CDK15: variants seen among roughly 807,000 people sequenced by gnomAD.
CDK15 encodes cyclin dependent kinase 15.
A neutral mutation model predicts 60.3 loss-of-function variants in CDK15; 62 were observed. That is an observed-to-expected ratio of 1.03 (90% CI 0.84 to 1.27). The LOEUF (loss-of-function observed/expected upper bound fraction) is 1.27, where lower values mean the gene tolerates loss of function less well. Ranked by LOEUF, CDK15 falls within the 50% of genes most tolerant of loss-of-function variation. The pLI is 0.00. For missense variants in CDK15, 541 were observed against 527.8 expected (o/e 1.03, Z -0.25); for synonymous variants, 194 against 195.7 (o/e 0.99, Z 0.07).
chr2:201,864,283 A>C (rs1211676641), intron 10 of CDK15, among the ~76,000 whole-genome samples: 1 of 152,158 alleles, frequency 6.6e-6, no homozygotes, highest in African/African-American at 2.4e-5. Flanking sequence ...GAACTAGGGA[A>C]ATGGCCCTCT....
At chr2:201,875,991 A>G (rs905357015) in intron 11 of CDK15, among the ~76,000 whole-genome samples, 4 of 152,198 alleles carry the variant, frequency 2.6e-5, no homozygotes, top group African/African-American at 9.6e-5. Context: ...ATTCTCATTA[A>G]TTGGGCGGGG....
At chr2:201,891,531 G>A (rs1289801058) in intron 13 of CDK15, among the ~76,000 whole-genome samples, 3 of 152,152 alleles carry the variant, frequency 2.0e-5, no homozygotes, top group African/African-American at 7.2e-5. Context: ...GGTAAACCAG[G>A]ATGGTTGGTC....
chr2:201,876,663 A>C, intron 11 of CDK15: 1 of 918,096 alleles, frequency 1.1e-6, no homozygotes, highest in Non-Finnish European at 1.5e-6. Context: ...GCCCTGAAAC[A>C]ACCCTGTGGG....
At chr2:201,875,679 G>T (rs1333136035) in intron 11 of CDK15, among the ~76,000 whole-genome samples, 2 of 152,162 alleles carry the variant, frequency 1.3e-5, no homozygotes, top group Non-Finnish European at 2.9e-5. Flanking sequence ...GATCAAGGTA[G>T]TTCAATGGAA....
intron 10 of CDK15, among the ~76,000 whole-genome samples, chr2:201,869,759 A>G (rs1053400063): frequency 6.6e-6 from 1 of 152,172 alleles, no homozygotes; most frequent in Non-Finnish European, 1.5e-5. Flanking sequence ...ACCTCTCAGA[A>G]GGGAAAAATA....
chr2:201,884,403 A>C (rs1699385395), intron 12 of CDK15, among the ~76,000 whole-genome samples: 2 of 152,256 alleles, frequency 1.3e-5, no homozygotes, highest in Admixed American at 6.5e-5. Context: ...ACTTATATAC[A>C]CATAGGGATG....
At chr2:201,820,863 T>C (rs964347553) in intron 4 of CDK15, among the ~76,000 whole-genome samples, 3 of 152,180 alleles carry the variant, frequency 2.0e-5, no homozygotes, top group Admixed American at 6.5e-5. Flanking sequence ...ATAAGGACTC[T>C]GGGGGCAAAA....
intron 6 of CDK15, among the ~76,000 whole-genome samples, chr2:201,826,505 A>G (rs1696511469): frequency 6.7e-6 from 1 of 150,046 alleles, no homozygotes; most frequent in African/African-American, 2.4e-5. Flanking sequence ...AACACACTGC[A>G]TTTCAACAGT....
chr2:201,866,686 C>A (rs2105808382), intron 10 of CDK15, among the ~76,000 whole-genome samples: 1 of 152,236 alleles, frequency 6.6e-6, no homozygotes, highest in East Asian at 1.9e-4. Flanking sequence ...CTATTGAAGC[C>A]AGAGAAACCA....
chr2:201,886,270 A>C (rs7573850), intron 12 of CDK15, among the ~76,000 whole-genome samples: 21,006 of 150,512 alleles, frequency 0.14, 1,962 homozygotes, highest in East Asian at 0.26. Context: ...ACTTTAGTTT[A>C]TTTTCTTTTC....
chr2:201,839,969 T>TG (rs1398580845), intron 8 of CDK15, among the ~76,000 whole-genome samples: 3 of 143,146 alleles, frequency 2.1e-5, no homozygotes, highest in African/African-American at 7.8e-5. Context: ...GCTGGGGTTT[T>TG]TTTTTTGTTT....
chr2:201,818,938 G>T (rs1425861940), intron 4 of CDK15, among the ~76,000 whole-genome samples: 1 of 150,540 alleles, frequency 6.6e-6, no homozygotes, highest in Admixed American at 6.6e-5. Flanking sequence ...ATTGTTCCAG[G>T]CACTGAGTAT....
At chr2:201,810,443 C>G (rs1695705874) in intron 3 of CDK15, among the ~76,000 whole-genome samples, 1 of 150,610 alleles carries the variant, frequency 6.6e-6, no homozygotes, top group Admixed American at 6.6e-5. Context: ...GACACAGGAG[C>G]CAACCGAAAG....
chr2:201,876,144 A>G (rs1444633631), intron 11 of CDK15, among the ~76,000 whole-genome samples: 2 of 152,108 alleles, frequency 1.3e-5, no homozygotes, highest in Non-Finnish European at 2.9e-5. Flanking sequence ...GCCAATGTTT[A>G]TTTTTAAAGT....
intron 11 of CDK15, among the ~76,000 whole-genome samples, chr2:201,877,044 C>T (rs1699104940): frequency 6.6e-6 from 1 of 152,142 alleles, no homozygotes; most frequent in Non-Finnish European, 1.5e-5. Context: ...GTGATCCTCC[C>T]ACCTCAGCCT....
chr2:201,807,995 C>G (rs960275137), intron 3 of CDK15, 43 bp downstream of exon 3: 1 of 1,517,534 alleles, frequency 6.6e-7, no homozygotes, highest in African/African-American at 1.4e-5. Context: ...GATGAGAGTC[C>G]CGCCCCCCCA....
At chr2:201,886,320 T>C (rs1180435137) in intron 12 of CDK15, among the ~76,000 whole-genome samples, 1 of 151,712 alleles carries the variant, frequency 6.6e-6, no homozygotes, top group African/African-American at 2.4e-5. Flanking sequence ...CAGCCTTGGG[T>C]TTTAAGATTT....
At chr2:201,820,988 A>T (rs1696196633) in intron 4 of CDK15, among the ~76,000 whole-genome samples, 1 of 152,184 alleles carries the variant, frequency 6.6e-6, no homozygotes, top group Admixed American at 6.5e-5. Flanking sequence ...ACTGGCTCAC[A>T]GATCTGATAA....
At chr2:201,833,699 A>ATATTCTTCT in intron 6 of CDK15, 149 bp from the exon 7 acceptor site, 1 of 290,778 alleles carries the variant, frequency 3.4e-6, no homozygotes, top group South Asian at 9.9e-5. Context: ...GAATGTAAAA[A>ATATTCTTCT]TCTTCTTCTT....
Sources: gnomAD v4.1 joint callset for allele counts (sites outside exome capture counted in the v4.1 genomes callset) on GRCh38, gnomAD v4.1.1 for gene constraint, MANE v1.5 for transcripts, NCBI Gene and HGNC (gene_info 2026-07-23, HGNC 2026-07-21) for gene names.